Variants in EYS observed in about 807,000 individuals in gnomAD.
The protein encoded by EYS is protein eyes shut homolog.
In EYS, 250 loss-of-function variants were observed where a neutral mutation model predicts 282.1. That is an observed-to-expected ratio of 0.89 (90% CI 0.80 to 0.98). The LOEUF is 0.98. Among genes scored for constraint, EYS ranks in the 50% least tolerant of loss-of-function variants. The pLI is 0.00. For missense variants in EYS, 4,016 were observed against 3,709.0 expected (o/e 1.08, Z -2.15); for synonymous variants, 1,355 against 1,282.9 (o/e 1.06, Z -1.20).
chr6:65,337,637 G>A (rs10944788), intron 10 of EYS, among the ~76,000 whole-genome samples: 127,689 of 150,732 alleles, frequency 0.85, 54,992 homozygotes, highest in East Asian at 0.96. Context: ...CCTCAGAAAA[G>A]TTACCAAAGT....
intron 5 of EYS, among the ~76,000 whole-genome samples, chr6:65,457,377 C>G (rs1007308692): frequency 6.6e-6 from 1 of 151,894 alleles, no homozygotes; most frequent in Non-Finnish European, 1.5e-5. Context: ...GTTGCCCAAG[C>G]TGGTCTCAAA....
chr6:63,828,075 G>A (rs1771524717), intron 36 of EYS, among the ~76,000 whole-genome samples: 1 of 151,938 alleles, frequency 6.6e-6, no homozygotes. Flanking sequence ...AAAACCTCTG[G>A]GGTACAGCAA....
At chr6:64,058,674 C>T (rs1771065102) in intron 33 of EYS, among the ~76,000 whole-genome samples, 1 of 152,110 alleles carries the variant, frequency 6.6e-6, no homozygotes, top group African/African-American at 2.4e-5. Flanking sequence ...TATTGCTATT[C>T]TGCCCCAATT....
chr6:65,523,146 A>T (rs7760568), intron 2 of EYS, among the ~76,000 whole-genome samples: 2,097 of 152,286 alleles, frequency 0.014, 40 homozygotes, highest in African/African-American at 0.047. Flanking sequence ...AATGTCTATG[A>T]TTTTTATTAG....
intron 8 of EYS, among the ~76,000 whole-genome samples, chr6:65,375,470 AT>A (rs1271181587): frequency 6.6e-6 from 1 of 152,052 alleles, no homozygotes; most frequent in Non-Finnish European, 1.5e-5. Flanking sequence ...AAAAACCAGA[AT>A]GCTTCTTCTC....
chr6:65,323,990 C>T (rs561131921), intron 11 of EYS, among the ~76,000 whole-genome samples: 1 of 152,256 alleles, frequency 6.6e-6, no homozygotes, highest in Non-Finnish European at 1.5e-5. Flanking sequence ...GCTTCCTGAA[C>T]TCAGTGCTGC....
At chr6:65,027,068 A>C (rs1583412120) in intron 13 of EYS, among the ~76,000 whole-genome samples, 1 of 145,248 alleles carries the variant, frequency 6.9e-6, no homozygotes, top group African/African-American at 2.6e-5. Context: ...TTTATAATTT[A>C]TTTACTTACT....
chr6:64,186,549 G>A (rs930823150), intron 31 of EYS, among the ~76,000 whole-genome samples: 3 of 151,748 alleles, frequency 2.0e-5, no homozygotes, highest in African/African-American at 7.3e-5. Flanking sequence ...TCTTTGTTTT[G>A]TACTTTTTGG....
intron 5 of EYS, among the ~76,000 whole-genome samples, chr6:65,477,183 G>GT (rs1765442021): frequency 6.6e-6 from 1 of 152,026 alleles, no homozygotes; most frequent in African/African-American, 2.4e-5. Flanking sequence ...TCATTTTCAA[G>GT]TTTTTGTACT....
chr6:64,914,869 T>G (rs1182798817), intron 15 of EYS, among the ~76,000 whole-genome samples: 1 of 152,116 alleles, frequency 6.6e-6, no homozygotes, highest in Non-Finnish European at 1.5e-5. Context: ...CACATTTCTT[T>G]GTGAAGCATG....
chr6:63,827,559 C>G (rs1009639102), intron 36 of EYS, among the ~76,000 whole-genome samples: 4 of 152,248 alleles, frequency 2.6e-5, no homozygotes, highest in Non-Finnish European at 5.9e-5. Context: ...ATTGAAATTA[C>G]ATCGGCCGGG....
At chr6:65,311,045 G>C (rs1455938757) in intron 11 of EYS, among the ~76,000 whole-genome samples, 1 of 151,610 alleles carries the variant, frequency 6.6e-6, no homozygotes, top group Non-Finnish European at 1.5e-5. Context: ...ATTTTTAATG[G>C]GGATGATGAA....
intron 23 of EYS, among the ~76,000 whole-genome samples, chr6:64,619,995 A>G (rs527465016): frequency 1.1e-4 from 17 of 152,348 alleles, no homozygotes; most frequent in Non-Finnish European, 2.2e-4. Flanking sequence ...TGAGAAAAAC[A>G]TTAAGGCTGT....
chr6:64,359,829 A>G (rs1239066211), intron 29 of EYS, among the ~76,000 whole-genome samples: 2 of 151,636 alleles, frequency 1.3e-5, no homozygotes, highest in Non-Finnish European at 3.0e-5. Context: ...CCATTTCCAA[A>G]TACAGTCACA....
At chr6:63,766,322 A>G (rs1769787989) in intron 40 of EYS, among the ~76,000 whole-genome samples, 1 of 152,066 alleles carries the variant, frequency 6.6e-6, no homozygotes, top group South Asian at 2.1e-4. Flanking sequence ...ACTCTAGACC[A>G]TTAATTCCGT....
chr6:65,031,137 T>C (rs2150143881), intron 13 of EYS, among the ~76,000 whole-genome samples: 1 of 132,784 alleles, frequency 7.5e-6, no homozygotes, highest in Admixed American at 7.4e-5. Context: ...TATAATATTT[T>C]ATATTTTATA....
At position 64,169,432 on chromosome 6, in the gene EYS, T is replaced by TTTTTTTTTTGTTTG. The variant is rs1491340682; in HGVS notation, c.6424+61159_6424+61160insCAAACAAAAAAAAA. ...CATACTCAAACAATTTGAGGAGGAG[T>TTTTTTTTTTGTTTG]TTTTTTTTTTTTTTTACAAAAAGGA... On this transcript the variant is annotated intron_variant, in intron 31 of 42. Transcript: ENST00000503581. 7.3e-3 allele frequency among the ~76,000 whole-genome samples: 33 copies of TTTTTTTTTTGTTTG among 4,498 alleles called. 1 individual carries two copies. Among genetic ancestry groups the TTTTTTTTTTGTTTG allele is most frequent in the African/African-American group, 7.7e-3 (33 of 4,270 alleles). The allele number at this position is 4,498 out of a possible 152,430, so 3.0% of individuals were successfully genotyped here. A position where few individuals can be genotyped will look rare whatever the true frequency, so the allele number is the denominator to read the frequency against.
chr6:64,794,349 C>T (rs936774474), intron 22 of EYS, among the ~76,000 whole-genome samples: 5 of 152,054 alleles, frequency 3.3e-5, no homozygotes, highest in Non-Finnish European at 7.4e-5. Context: ...TTGTAATTCC[C>T]AACGTTGGTG....
At chr6:64,202,062 T>C (rs1765472212) in intron 31 of EYS, among the ~76,000 whole-genome samples, 1 of 151,984 alleles carries the variant, frequency 6.6e-6, no homozygotes, top group African/African-American at 2.4e-5. Flanking sequence ...AAATATCAAG[T>C]TTGTACTATC....
Sources: allele counts gnomAD v4.1 joint callset (sites outside exome capture counted in the v4.1 genomes callset), GRCh38; gene constraint gnomAD v4.1.1; transcripts MANE v1.5; gene names NCBI Gene and HGNC (gene_info 2026-07-23, HGNC 2026-07-21).